The following PRKAG2 variants were observed in gnomAD, a reference collection of about 807,000 sequenced individuals.
PRKAG2 encodes the protein 5'-AMP-activated protein kinase subunit gamma-2.
A neutral mutation model predicts 69.6 loss-of-function variants in PRKAG2; 26 were observed. The ratio of observed to expected loss-of-function variants is 0.37; its 90% CI spans 0.27 to 0.52. The LOEUF (loss-of-function observed/expected upper bound fraction) is 0.52. Among genes scored for constraint, PRKAG2 ranks in the 20% least tolerant of loss-of-function variants. The pLI, the probability that PRKAG2 is intolerant of heterozygous loss-of-function variation, is 0.90. For synonymous variants in PRKAG2, 293 were observed against 285.0 expected (o/e 1.03, Z -0.28); for missense variants, 557 against 740.0 (o/e 0.75, Z 2.87).
intron 6 of PRKAG2, among the ~76,000 whole-genome samples, chr7:151,590,201 T>A (rs771981962): frequency 6.6e-6 from 1 of 152,232 alleles, no homozygotes; most frequent in Non-Finnish European, 1.5e-5. Context: ...GGACTCAGTA[T>A]GACAGCATTC....
chr7:151,824,782 T>C (rs57989655), intron 1 of PRKAG2, among the ~76,000 whole-genome samples: 16,427 of 152,230 alleles, frequency 0.11, 1,108 homozygotes, highest in East Asian at 0.24. Context: ...CCTGGCTTGC[T>C]GCTGAGGACG....
rs1006798884 is a variant in PRKAG2 at position 151,836,714 on chromosome 7, C to T, written c.114+39793G>A. 1.3e-5 allele frequency among the ~76,000 whole-genome samples: 2 copies of T among 152,232 alleles called. No homozygotes were observed. The highest frequency in any genetic ancestry group is 2.9e-5 in the Non-Finnish European group (2 of 68,040). On this transcript the variant is annotated intron_variant, in intron 1 of 15. Coordinates refer to ENST00000287878, the MANE Select transcript of PRKAG2 (RefSeq NM_016203.4). This position sits in a 1 kb window ranked among gnomAD's most constrained non-coding sequence, Gnocchi z 4.1. ...GTCCTCCAGGGTCCTCAGGCCACAG[C>T]TCCTGGGCTGGAGAACTGTGAGGTA...
chr7:151,601,815 A>C (rs1816152008), intron 5 of PRKAG2, among the ~76,000 whole-genome samples: 1 of 152,224 alleles, frequency 6.6e-6, no homozygotes, highest in African/African-American at 2.4e-5. Flanking sequence ...GGAAGACAAC[A>C]AACACAACCC....
intron 5 of PRKAG2, among the ~76,000 whole-genome samples, chr7:151,604,627 G>A (rs961096746): frequency 2.0e-5 from 3 of 152,032 alleles, no homozygotes; most frequent in African/African-American, 7.3e-5. Flanking sequence ...GACAGAGCAA[G>A]ACTCTGTCAC....
At position 151,595,510 on chromosome 7, in the gene PRKAG2, GA is replaced by G; in HGVS notation, c.755-57del. 5.0e-6 allele frequency: 6 copies of G among 1,206,116 alleles called. No homozygotes were observed. In the South Asian group the frequency reaches 7.3e-5, roughly 15 times the overall value. The allele number at this position is 1,206,116 out of a possible 1,614,324, so 74.7% of individuals were successfully genotyped here. On this transcript the variant is annotated intron_variant, in intron 5 of 15. Coordinates refer to ENST00000287878, the MANE Select transcript of PRKAG2 (RefSeq NM_016203.4). ...TAATAAAGAATTCCCTCAATCGGAT[GA>G]AGAGCATATACGTAAACCTATCACT...
At chr7:151,571,228 C>G (rs187295887) in intron 9 of PRKAG2, among the ~76,000 whole-genome samples, 1 of 151,924 alleles carries the variant, frequency 6.6e-6, no homozygotes, top group Non-Finnish European at 1.5e-5. Flanking sequence ...CGCACCACCA[C>G]GCCTGGCTAC....
At chr7:151,558,243 G>T in intron 15 of PRKAG2, 1 of 985,418 alleles carries the variant, frequency 1.0e-6, no homozygotes, top group Non-Finnish European at 1.2e-6. Context: ...GGGGAACGGT[G>T]GCCATTGCCC....
At chr7:151,640,662 GCCTTCCTT>G (rs10655187) in intron 4 of PRKAG2, among the ~76,000 whole-genome samples, 1 of 151,024 alleles carries the variant, frequency 6.6e-6, no homozygotes, top group Non-Finnish European at 1.5e-5. Flanking sequence ...TTCCCCCACC[GCCTTCCTT>G]CCTTCCTTCC....
At chr7:151,711,570 G>C (rs1795327328) in intron 3 of PRKAG2, among the ~76,000 whole-genome samples, 1 of 152,162 alleles carries the variant, frequency 6.6e-6, no homozygotes, top group African/African-American at 2.4e-5. Flanking sequence ...TATTCAAATA[G>C]GTTAATATAT....
intron 12 of PRKAG2, 43 bp from the exon 13 acceptor site, chr7:151,565,426 A>C: frequency 8.0e-7 from 1 of 1,251,692 alleles, no homozygotes; most frequent in South Asian, 1.4e-5. Context: ...CTTAAGGGAC[A>C]AAAAGAAATT....
At chr7:151,653,618 G>C (rs1035120505) in intron 4 of PRKAG2, among the ~76,000 whole-genome samples, 1 of 152,274 alleles carries the variant, frequency 6.6e-6, no homozygotes, top group East Asian at 1.9e-4. Flanking sequence ...GAGGCGGGCC[G>C]ATCACCTGAG....
At chr7:151,842,873 T>G (rs2079344707) in intron 1 of PRKAG2, among the ~76,000 whole-genome samples, 1 of 151,888 alleles carries the variant, frequency 6.6e-6, no homozygotes, top group African/African-American at 2.4e-5. Flanking sequence ...ATCTTCTCAA[T>G]TCAGGTGGAA....
At chr7:151,608,607 T>G (rs550739199) in intron 5 of PRKAG2, among the ~76,000 whole-genome samples, 2 of 152,154 alleles carry the variant, frequency 1.3e-5, no homozygotes, top group African/African-American at 4.8e-5. Context: ...CAGATCAAAT[T>G]TGAGAGGGGC....
At chr7:151,708,349 G>A (rs974878052) in intron 3 of PRKAG2, among the ~76,000 whole-genome samples, 8 of 152,134 alleles carry the variant, frequency 5.3e-5, no homozygotes, top group African/African-American at 1.7e-4. Context: ...CAGAATGATC[G>A]TCCAGTGGGG....
chr7:151,745,285 C>T (rs2074204597), intron 3 of PRKAG2, among the ~76,000 whole-genome samples: 1 of 152,200 alleles, frequency 6.6e-6, no homozygotes, highest in African/African-American at 2.4e-5. Flanking sequence ...AGCAGCAACA[C>T]GCCTTAGCAC....
intron 5 of PRKAG2, among the ~76,000 whole-genome samples, chr7:151,609,786 G>A (rs550291044): frequency 1.3e-5 from 2 of 152,316 alleles, no homozygotes; most frequent in African/African-American, 4.8e-5. Flanking sequence ...AATTTCAGAA[G>A]GGGTTGGCCT....
chr7:151,558,986 C>G (rs1355980084), intron 15 of PRKAG2: 1 of 985,354 alleles, frequency 1.0e-6, no homozygotes, highest in Non-Finnish European at 1.2e-6. Flanking sequence ...GCCTGACCCG[C>G]TGGGCAGACT....
At position 151,718,905 on chromosome 7, in the gene PRKAG2, CCT is replaced by C. The variant is rs759032285; in HGVS notation, c.467-43270_467-43269del. Among the ~76,000 whole-genome samples, 5 of 152,100 alleles carry C rather than the reference CCT, an allele frequency of 3.3e-5. 1 individual carries two copies. The highest frequency in any genetic ancestry group is 5.9e-5 in the Non-Finnish European group (4 of 68,028). The stretch of plus-strand genomic sequence containing the variant: ...TGGCTTCATCTCTCTTCAGCATCGG[CCT>C]CTGAGACCTAAAGGGCTGCCTGTTT... On this transcript the variant is annotated intron_variant, in intron 3 of 15. Coordinates refer to ENST00000287878, the MANE Select transcript of PRKAG2 (RefSeq NM_016203.4).
At chr7:151,716,548 C>A (rs73484145) in intron 3 of PRKAG2, among the ~76,000 whole-genome samples, 1 of 152,138 alleles carries the variant, frequency 6.6e-6, no homozygotes, top group Non-Finnish European at 1.5e-5. Flanking sequence ...ATGCTTGACA[C>A]GCACAGAACC....
Sources: allele counts gnomAD v4.1 joint callset (sites outside exome capture counted in the v4.1 genomes callset), GRCh38; gene constraint gnomAD v4.1.1; non-coding constraint Gnocchi (gnomAD v3.1); transcripts MANE v1.5; gene names NCBI Gene and HGNC (gene_info 2026-07-23, HGNC 2026-07-21).